The following ABTB3 variants were observed in gnomAD, a reference collection of about 807,000 sequenced individuals.
The protein encoded by ABTB3 is ankyrin repeat- and BTB/POZ domain-containing protein 3.
the ABTB3 span, among the ~76,000 whole-genome samples, chr12:107,578,165 G>T: frequency 2.0e-5 from 3 of 152,016 alleles, no homozygotes; most frequent in African/African-American, 7.2e-5. Context: ...AAGATAAGAA[G>T]ATTTTTAAAT....
chr12:107,373,642 T>C, the ABTB3 span, among the ~76,000 whole-genome samples: 2 of 152,256 alleles, frequency 1.3e-5, no homozygotes, highest in South Asian at 4.1e-4. Context: ...CACATCCCCA[T>C]CTCCAAGCTC....
chr12:107,349,853 T>C, the ABTB3 span, among the ~76,000 whole-genome samples: 21 of 152,212 alleles, frequency 1.4e-4, 1 homozygote, highest in African/African-American at 5.1e-4. Flanking sequence ...AATCAAACAC[T>C]GAAGGGCAAT....
chr12:107,613,408 T>G, the ABTB3 span, among the ~76,000 whole-genome samples: 1 of 152,144 alleles, frequency 6.6e-6, no homozygotes, highest in African/African-American at 2.4e-5. Flanking sequence ...CCTGAGACAA[T>G]GTGGTCTGGT....
At chr12:107,476,333 T>G in the ABTB3 span, among the ~76,000 whole-genome samples, 1 of 152,036 alleles carries the variant, frequency 6.6e-6, no homozygotes, top group African/African-American at 2.4e-5. Flanking sequence ...ATCACAGAAC[T>G]TAAAGTTGCC....
At chr12:107,437,877 C>T in the ABTB3 span, among the ~76,000 whole-genome samples, 1 of 152,198 alleles carries the variant, frequency 6.6e-6, no homozygotes. Context: ...TATTGTTTTT[C>T]GAGGCCACCC....
chr12:107,608,944 A>AAATAAAAT, the ABTB3 span, among the ~76,000 whole-genome samples: 4 of 80,292 alleles, frequency 5.0e-5, no homozygotes, highest in Middle Eastern at 5.1e-3. Context: ...AAATAAAATA[A>AAATAAAAT]ATAAAATAAA....
the ABTB3 span, among the ~76,000 whole-genome samples, chr12:107,451,840 G>A: frequency 2.6e-5 from 4 of 152,130 alleles, no homozygotes; most frequent in Non-Finnish European, 4.4e-5. Context: ...TATAACAATC[G>A]CTAACAGGTG....
the ABTB3 span, among the ~76,000 whole-genome samples, chr12:107,468,032 G>A: frequency 1.6e-4 from 25 of 152,156 alleles, no homozygotes; most frequent in African/African-American, 5.6e-4. Flanking sequence ...GCCTTGGCTT[G>A]AAAGATTCTT....
At chr12:107,344,249 T>G in the ABTB3 span, among the ~76,000 whole-genome samples, 1 of 152,204 alleles carries the variant, frequency 6.6e-6, no homozygotes, top group Admixed American at 6.5e-5. Context: ...TCTTCTTATA[T>G]CTCTTTGGCC....
chr12:107,353,963 G>A, the ABTB3 span, among the ~76,000 whole-genome samples: 1 of 151,988 alleles, frequency 6.6e-6, no homozygotes, highest in Non-Finnish European at 1.5e-5. Flanking sequence ...GGAGATCACT[G>A]CTCTAGTAGA....
chr12:107,490,551 AG>A, the ABTB3 span, among the ~76,000 whole-genome samples: 1 of 152,130 alleles, frequency 6.6e-6, no homozygotes, highest in Non-Finnish European at 1.5e-5. Context: ...CAACCCAGGA[AG>A]CTCTCTCTCA....
the ABTB3 span, among the ~76,000 whole-genome samples, chr12:107,451,662 C>T: frequency 6.6e-6 from 1 of 152,002 alleles, no homozygotes; most frequent in Non-Finnish European, 1.5e-5. Context: ...CTGCTTTCTC[C>T]ACCCCCACCT....
the ABTB3 span, among the ~76,000 whole-genome samples, chr12:107,530,849 A>C: frequency 6.6e-6 from 1 of 152,158 alleles, no homozygotes; most frequent in Admixed American, 6.5e-5. Context: ...AAACATTGGG[A>C]CAGATTCCCA....
chr12:107,480,530 C>G, the ABTB3 span, among the ~76,000 whole-genome samples: 1 of 152,108 alleles, frequency 6.6e-6, no homozygotes, highest in African/African-American at 2.4e-5. Flanking sequence ...AAGTAGAGCC[C>G]AAACTCTAGT....
At chr12:107,474,955 C>T in the ABTB3 span, among the ~76,000 whole-genome samples, 1 of 152,084 alleles carries the variant, frequency 6.6e-6, no homozygotes, top group Non-Finnish European at 1.5e-5. Flanking sequence ...ACCCTAGGTC[C>T]CATCAAAAAG....
At chr12:107,613,782 C>T in the ABTB3 span, among the ~76,000 whole-genome samples, 50 of 152,194 alleles carry the variant, frequency 3.3e-4, no homozygotes, top group East Asian at 2.5e-3. Context: ...AAGAGATTGA[C>T]GGGCTGAAAT....
the ABTB3 span, among the ~76,000 whole-genome samples, chr12:107,575,984 C>G: frequency 1.3e-5 from 2 of 152,248 alleles, no homozygotes; most frequent in Non-Finnish European, 2.9e-5. Context: ...CAAGCTCCCA[C>G]TGCTAGAAGG....
the ABTB3 span, among the ~76,000 whole-genome samples, chr12:107,380,500 G>T: frequency 1.6e-3 from 237 of 152,266 alleles, no homozygotes; most frequent in African/African-American, 5.3e-3. Flanking sequence ...TTTTGTTTCT[G>T]TGTGGTCTGA....
At chr12:107,618,233 C>T in the ABTB3 span, 21 of 1,613,894 alleles carry the variant, frequency 1.3e-5, no homozygotes, top group African/African-American at 4.0e-5. Flanking sequence ...AGATTCTGGC[C>T]GAGGGGACTG....
Sources: gnomAD v4.1 joint callset for allele counts (sites outside exome capture counted in the v4.1 genomes callset) on GRCh38, gnomAD v4.1.1 for gene constraint, MANE v1.5 for transcripts, NCBI Gene and HGNC (gene_info 2026-07-23, HGNC 2026-07-21) for gene names.